The following CSMD1 variants were observed in gnomAD, a reference collection of about 807,000 sequenced individuals.
The protein encoded by CSMD1 is CUB and sushi domain-containing protein 1.
Under a neutral mutation model 417.5 loss-of-function variants are expected in CSMD1, and 213 were observed. The observed-to-expected ratio is 0.51, with a 90% confidence interval of 0.46 to 0.57. The LOEUF is 0.57. Among genes scored for constraint, CSMD1 ranks in the 20% least tolerant of loss-of-function variants. The probability of loss-of-function intolerance (pLI) is 0.00; values close to 1 mark genes in which losing one functional copy is unlikely to be tolerated. For synonymous variants in CSMD1, 2,862 were observed against 1,736.8 expected (o/e 1.65, Z -16.11); for missense variants, 6,923 against 4,529.7 (o/e 1.53, Z -15.17).
chr8:3,179,158 G>A (rs552669357), intron 37 of CSMD1, among the ~76,000 whole-genome samples: 3 of 151,294 alleles, frequency 2.0e-5, no homozygotes, highest in East Asian at 2.0e-4. Flanking sequence ...TGTTAGCCAG[G>A]ACTGTCTCGA....
intron 1 of CSMD1, among the ~76,000 whole-genome samples, chr8:4,966,687 C>G (rs1359910867): frequency 6.6e-6 from 1 of 152,140 alleles, no homozygotes; most frequent in African/African-American, 2.4e-5. Flanking sequence ...TAAGTTCACT[C>G]AAATTATCCT....
At chr8:4,393,707 A>G (rs977518476) in intron 3 of CSMD1, among the ~76,000 whole-genome samples, 2 of 152,218 alleles carry the variant, frequency 1.3e-5, no homozygotes, top group Admixed American at 6.6e-5. Context: ...CTGGAACTCC[A>G]GGAGCAGACC....
intron 41 of CSMD1, among the ~76,000 whole-genome samples, chr8:3,123,876 T>C (rs1817349857): frequency 6.6e-6 from 1 of 152,236 alleles, no homozygotes; most frequent in Non-Finnish European, 1.5e-5. Flanking sequence ...AGGCATTGCA[T>C]TGCCTTAGTT....
At chr8:3,123,061 T>C (rs989575508) in intron 41 of CSMD1, among the ~76,000 whole-genome samples, 2 of 152,194 alleles carry the variant, frequency 1.3e-5, no homozygotes, top group Admixed American at 1.3e-4. Flanking sequence ...GGCGTGTCCC[T>C]CATGATTGAT....
chr8:3,515,903 G>T (rs975389053), intron 10 of CSMD1, among the ~76,000 whole-genome samples: 3 of 152,194 alleles, frequency 2.0e-5, no homozygotes, highest in Non-Finnish European at 2.9e-5. Context: ...ATAGTGTTTG[G>T]TTACAGCAGA....
At chr8:3,768,201 GT>G (rs1267060591) in intron 5 of CSMD1, among the ~76,000 whole-genome samples, 2 of 152,160 alleles carry the variant, frequency 1.3e-5, no homozygotes, top group Non-Finnish European at 2.9e-5. Context: ...AGGAAGAGTG[GT>G]TCCTGGCATA....
At chr8:3,562,389 T>G (rs59878583) in intron 10 of CSMD1, among the ~76,000 whole-genome samples, 1 of 142,542 alleles carries the variant, frequency 7.0e-6, no homozygotes, top group South Asian at 2.2e-4. Context: ...CACACACACG[T>G]ACACACATGC....
At chr8:4,506,378 G>A in intron 2 of CSMD1, among the ~76,000 whole-genome samples, 1 of 151,062 alleles carries the variant, frequency 6.6e-6, no homozygotes, top group South Asian at 2.1e-4. Context: ...ATGAGCCCAA[G>A]TCTAGTGCAA....
chr8:3,218,144 A>G (rs995647812), intron 29 of CSMD1, among the ~76,000 whole-genome samples: 22 of 152,244 alleles, frequency 1.4e-4, no homozygotes, highest in Non-Finnish European at 8.8e-5. Flanking sequence ...AATCAAGGGT[A>G]AATCACTGAT....
At chr8:3,494,792 G>C (rs1050928463) in intron 10 of CSMD1, among the ~76,000 whole-genome samples, 14 of 152,274 alleles carry the variant, frequency 9.2e-5, no homozygotes, top group East Asian at 7.7e-4. Flanking sequence ...CATAATACTG[G>C]AAGTACATTT....
chr8:3,467,538 A>AT (rs1396723223), intron 12 of CSMD1, among the ~76,000 whole-genome samples: 1 of 152,144 alleles, frequency 6.6e-6, no homozygotes, highest in Non-Finnish European at 1.5e-5. Context: ...GTAAATATAC[A>AT]TTTTTTGTCG....
At position 3,508,424 on chromosome 8, in the gene CSMD1, T is replaced by G. The variant is rs868837501; in HGVS notation, c.1345-14698A>C. Among the ~76,000 whole-genome samples the G allele has an allele frequency of 2.2e-4, 33 of 151,818 alleles. No homozygotes were observed. In the Middle Eastern group the frequency reaches 0.01, roughly 47 times the overall value. ...CTAATGTAAGTGACGAGTTAATGGGTGCAGCACACCAACATGGCACATGTA... is the reference window on the plus strand; with the variant it reads ...CTAATGTAAGTGACGAGTTAATGGGGGCAGCACACCAACATGGCACATGTA... On this transcript the variant is annotated intron_variant, in intron 10 of 69. Coordinates refer to ENST00000635120, the MANE Select transcript of CSMD1 (RefSeq NM_033225.6).
Position 3,535,976 on chromosome 8 carries a change from T to C in CSMD1, c.1344+38969A>G, listed in dbSNP as rs1449774823. 2.6e-5 allele frequency among the ~76,000 whole-genome samples: 4 copies of C among 152,208 alleles called. No homozygotes were observed. The South Asian group carries it at 8.3e-4, about 32-fold the overall frequency. On this transcript the variant is annotated intron_variant, in intron 10 of 69. Coordinates refer to ENST00000635120, the MANE Select transcript of CSMD1 (RefSeq NM_033225.6). The stretch of plus-strand genomic sequence containing the variant: ...GTTACAGTTATATGACAGAGGGCCA[T>C]CCAGGGAGGGACTCTCCCAGCAACT...
chr8:4,944,050 G>A (rs1393323272), intron 1 of CSMD1, among the ~76,000 whole-genome samples: 2 of 152,178 alleles, frequency 1.3e-5, no homozygotes, highest in Non-Finnish European at 2.9e-5. Flanking sequence ...TCTGGGGAAA[G>A]AAGTGAGGAA....
chr8:4,202,657 T>TGTA (rs1799729123), intron 3 of CSMD1, among the ~76,000 whole-genome samples: 1 of 152,206 alleles, frequency 6.6e-6, no homozygotes, highest in Non-Finnish European at 1.5e-5. Context: ...CAACCAACCC[T>TGTA]GTAGCTACAC....
chr8:4,875,272 A>C (rs1802976924), intron 1 of CSMD1, among the ~76,000 whole-genome samples: 1 of 152,056 alleles, frequency 6.6e-6, no homozygotes, highest in South Asian at 2.1e-4. Context: ...GTCCTCTGGT[A>C]ATATACAAGC....
intron 26 of CSMD1, among the ~76,000 whole-genome samples, chr8:3,276,021 C>A (rs965035874): frequency 6.6e-6 from 1 of 152,134 alleles, no homozygotes; most frequent in Admixed American, 6.6e-5. Context: ...TTTAGAGTTT[C>A]CAGTTTTTCT....
At chr8:3,372,913 C>T (rs1033768259) in intron 18 of CSMD1, among the ~76,000 whole-genome samples, 1 of 152,172 alleles carries the variant, frequency 6.6e-6, no homozygotes, top group African/African-American at 2.4e-5. Context: ...GGGAAGAAAA[C>T]CAGCAGAGGA....
At chr8:4,773,993 C>G (rs1288432262) in intron 1 of CSMD1, among the ~76,000 whole-genome samples, 1 of 152,094 alleles carries the variant, frequency 6.6e-6, no homozygotes, top group African/African-American at 2.4e-5. Context: ...GTCAGGAGTT[C>G]AAGACCAGCC....
Sources: gnomAD v4.1 joint callset for allele counts (sites outside exome capture counted in the v4.1 genomes callset) on GRCh38, gnomAD v4.1.1 for gene constraint, MANE v1.5 for transcripts, NCBI Gene and HGNC (gene_info 2026-07-23, HGNC 2026-07-21) for gene names.